Variants in CLCA2 observed in about 807,000 individuals in gnomAD.
CLCA2 encodes calcium-activated chloride channel regulator 2.
A neutral mutation model predicts 82.9 loss-of-function variants in CLCA2; 85 were observed. That is an observed-to-expected ratio of 1.03 (90% CI 0.86 to 1.23). CLCA2 has a LOEUF of 1.23. Among genes scored for constraint, CLCA2 ranks in the 50% most tolerant of loss-of-function variants. The probability of loss-of-function intolerance (pLI) is 0.00; values close to 1 mark genes in which losing one functional copy is unlikely to be tolerated. For missense variants in CLCA2, 1,089 were observed against 1,124.8 expected, an observed-to-expected ratio of 0.97 and a Z score of 0.45; for synonymous variants, 421 against 391.7, an observed-to-expected ratio of 1.07 and a Z score of -0.88.
intron 6 of CLCA2, among the ~76,000 whole-genome samples, chr1:86,435,580 G>A (rs1570256891): frequency 6.6e-6 from 1 of 152,114 alleles, no homozygotes; most frequent in East Asian, 1.9e-4. Flanking sequence ...TTTAATCCTG[G>A]CTGCTTCACT....
At chr1:86,441,298 C>G (rs899157176) in intron 8 of CLCA2, 139 bp from the exon 9 acceptor site, 5 of 553,096 alleles carry the variant, frequency 9.0e-6, no homozygotes, top group Non-Finnish European at 9.6e-6. Context: ...GGATGTCAGG[C>G]AAAGCAAGTC....
intron 9 of CLCA2, among the ~76,000 whole-genome samples, chr1:86,443,304 C>A (rs1264168742): frequency 1.3e-5 from 2 of 152,200 alleles, no homozygotes; most frequent in Non-Finnish European, 2.9e-5. Context: ...GCTGGGATTA[C>A]AGGCATGAGC....
chr1:86,451,552 G>A (rs1558119944), intron 12 of CLCA2, among the ~76,000 whole-genome samples: 1 of 151,982 alleles, frequency 6.6e-6, no homozygotes, highest in Non-Finnish European at 1.5e-5. Context: ...CCATTTCCTG[G>A]TTTCTATGAT....
chr1:86,431,194 A>G (rs1215071982), intron 4 of CLCA2, among the ~76,000 whole-genome samples: 4 of 152,250 alleles, frequency 2.6e-5, no homozygotes, highest in Non-Finnish European at 5.9e-5. Flanking sequence ...ATAAAAAGTC[A>G]TGCTTGTACC....
Position 86,455,522 on chromosome 1 carries a change from T to A in CLCA2, c.2827T>A (p.Leu943Ile). ...ADKKENGTKL[L>I] ...CAAGAAAGAGAATGGAACAAAATTA[T>A]TATAAATAAATATCCAAAGTGTCTT... Residue 943 changes from leucine to isoleucine, a missense_variant, in exon 14 of 14, where the codon TTA becomes ATA. Coordinates refer to ENST00000370565, the MANE Select transcript of CLCA2 (RefSeq NM_006536.7). 6.8e-7 allele frequency: 1 copy of A among 1,469,892 alleles called. No homozygotes were observed. The highest frequency in any genetic ancestry group is 9.0e-7 in the Non-Finnish European group (1 of 1,110,492). The allele number at this position is 1,469,892 out of a possible 1,614,324, so 91.1% of individuals were successfully genotyped here. A position where few individuals can be genotyped will look rare whatever the true frequency, so the allele number is the denominator to read the frequency against.
intron 10 of CLCA2, among the ~76,000 whole-genome samples, chr1:86,444,617 A>G (rs1489661785): frequency 6.6e-6 from 1 of 152,244 alleles, no homozygotes; most frequent in Non-Finnish European, 1.5e-5. Flanking sequence ...ATGGCTGTTC[A>G]TAGAACTAGA....
At chr1:86,451,456 C>A (rs4291478) in intron 12 of CLCA2, among the ~76,000 whole-genome samples, 7,912 of 152,238 alleles carry the variant, frequency 0.052, 226 homozygotes, top group Middle Eastern at 0.11. Flanking sequence ...CTATTCCACA[C>A]CATGATTCTA....
At chr1:86,433,866 A>C (rs1447999290) in intron 5 of CLCA2, among the ~76,000 whole-genome samples, 1 of 152,212 alleles carries the variant, frequency 6.6e-6, no homozygotes. Flanking sequence ...GAATAGAGCC[A>C]CTGGGAATAG....
intron 4 of CLCA2, 60 bp downstream of exon 4, chr1:86,431,030 C>CAAT: frequency 8.4e-7 from 1 of 1,190,696 alleles, no homozygotes; most frequent in Non-Finnish European, 1.2e-6. Context: ...TTGCTTATAA[C>CAAT]TTAAGCAATT....
Position 86,456,093 on chromosome 1 carries a change from T to G in CLCA2, c.*566T>G, listed in dbSNP as rs529656903. The G allele has an allele frequency of 6.6e-6, 1 of 152,294 alleles. No individual in the cohort carries two copies. Among genetic ancestry groups the G allele is most frequent in the Non-Finnish European group, 1.5e-5 (1 of 68,022 alleles). The allele number at this position is 152,294 out of a possible 1,614,324, so 9.4% of individuals were successfully genotyped here. ...TTTTTTCACTGTAAGAGGTAACCTT[T>G]AACAATATGGGTATTACCTTTGTCT... On this transcript the variant is annotated 3_prime_UTR_variant, in exon 14 of 14. Transcript: ENST00000370565.
chr1:86,439,498 C>T lies in CLCA2; in HGVS notation c.1203+392C>T, dbSNP rs543638815. On this transcript the variant is annotated intron_variant, in intron 7 of 13. Coordinates refer to ENST00000370565, the MANE Select transcript of CLCA2 (RefSeq NM_006536.7). ...AGCTTCTGTCTATAGTCATTCTAGACTTCACGCACATCAGAACCAATTAAG... is the reference window on the plus strand; with the variant it reads ...AGCTTCTGTCTATAGTCATTCTAGATTTCACGCACATCAGAACCAATTAAG... Among the ~76,000 whole-genome samples, 6 of 152,278 alleles carry T rather than the reference C, an allele frequency of 3.9e-5. No homozygotes were observed. The South Asian group carries it at 8.3e-4, about 21-fold the overall frequency.
chr1:86,451,697 C>G (rs914887145), intron 12 of CLCA2, among the ~76,000 whole-genome samples: 1 of 152,096 alleles, frequency 6.6e-6, no homozygotes, highest in East Asian at 1.9e-4. Context: ...AGCCACATTG[C>G]CTGGTTTTGA....
chr1:86,453,784 G>A (rs1663021654), intron 13 of CLCA2, among the ~76,000 whole-genome samples, 182 bp downstream of exon 13: 1 of 152,142 alleles, frequency 6.6e-6, no homozygotes, highest in Admixed American at 6.6e-5. Flanking sequence ...GAATGAGGAG[G>A]CCCTGGCTAA....
intron 8 of CLCA2, 66 bp from the exon 9 acceptor site, chr1:86,441,371 C>T: frequency 1.0e-6 from 1 of 966,796 alleles, no homozygotes; most frequent in Middle Eastern, 2.9e-4. Context: ...TTGGAAAAGG[C>T]TTAACATTTT....
At chr1:86,441,865 TA>T (rs769186964) in intron 9 of CLCA2, among the ~76,000 whole-genome samples, 25 of 152,336 alleles carry the variant, frequency 1.6e-4, no homozygotes, top group Non-Finnish European at 2.9e-4. Flanking sequence ...CTTTTAGTGT[TA>T]TAGTAACTTT....
In CLCA2 at chr1:86,455,611, A is replaced by G; in HGVS notation, c.*84A>G. On this transcript the variant is annotated 3_prime_UTR_variant, in exon 14 of 14. Coordinates refer to ENST00000370565, the MANE Select transcript of CLCA2 (RefSeq NM_006536.7). ...AACATACTAACAAAGTCAAATTAAC[A>G]TCAAAACTGTATTAAAATGCATTGA... 3 of 859,752 alleles carry G rather than the reference A, an allele frequency of 3.5e-6. No individual in the cohort carries two copies. Among genetic ancestry groups the G allele is most frequent in the Non-Finnish European group, 3.3e-6 (2 of 608,920 alleles). The allele number at this position is 859,752 out of a possible 1,614,324, so 53.3% of individuals were successfully genotyped here. A position where few individuals can be genotyped will look rare whatever the true frequency, so the allele number is the denominator to read the frequency against.
intron 13 of CLCA2, among the ~76,000 whole-genome samples, chr1:86,454,222 A>T (rs1323992662): frequency 6.6e-6 from 1 of 152,118 alleles, no homozygotes; most frequent in Non-Finnish European, 1.5e-5. Flanking sequence ...CTTATTCAGA[A>T]ATTGTATTTT....
chr1:86,430,718 GA>G, intron 3 of CLCA2, 143 bp from the exon 4 acceptor site: 1 of 674,526 alleles, frequency 1.5e-6, no homozygotes, highest in Non-Finnish European at 2.7e-6. Context: ...TAGGGGAGAG[GA>G]AAAGGGGAGA....
At chr1:86,445,871 T>G (rs1230702502) in intron 10 of CLCA2, among the ~76,000 whole-genome samples, 1 of 152,088 alleles carries the variant, frequency 6.6e-6, no homozygotes, top group Non-Finnish European at 1.5e-5. Flanking sequence ...ACATTAAAAG[T>G]CTCCAATTAC....
Sources: gnomAD v4.1 joint callset for allele counts (sites outside exome capture counted in the v4.1 genomes callset) on GRCh38, gnomAD v4.1.1 for gene constraint, MANE v1.5 for transcripts, NCBI Gene and HGNC (gene_info 2026-07-23, HGNC 2026-07-21) for gene names.